The following MBD5 variants were observed in gnomAD, a reference collection of about 807,000 sequenced individuals.
MBD5 encodes methyl-CpG-binding domain protein 5.
Under a neutral mutation model 117.3 loss-of-function variants are expected in MBD5, and 13 were observed. That is an observed-to-expected ratio of 0.11 (90% CI 0.07 to 0.18). The LOEUF (loss-of-function observed/expected upper bound fraction) is 0.18, where lower values mean the gene tolerates loss of function less well. Ranked by LOEUF, MBD5 falls within the 10% of genes least tolerant of loss-of-function variation. The pLI, the probability that MBD5 is intolerant of heterozygous loss-of-function variation, is 1.00. For missense variants in MBD5, 1,879 were observed against 2,093.8 expected (o/e 0.90, Z 2.00); for synonymous variants, 727 against 766.4 (o/e 0.95, Z 0.85).
intron 12 of MBD5, chr2:148,502,969 G>A: frequency 5.7e-6 from 1 of 176,058 alleles, no homozygotes; most frequent in South Asian, 1.3e-4. Context: ...CATCAGGGAT[G>A]TGGACTTAAA....
intron 4 of MBD5, among the ~76,000 whole-genome samples, chr2:148,424,036 T>G (rs1425380320): frequency 2.0e-5 from 3 of 150,734 alleles, no homozygotes; most frequent in Non-Finnish European, 3.0e-5. Flanking sequence ...AAATTACCCA[T>G]GCATGGTGGC....
chr2:148,317,851 G>C (rs934242898), intron 3 of MBD5, among the ~76,000 whole-genome samples: 6 of 152,108 alleles, frequency 3.9e-5, no homozygotes, highest in African/African-American at 1.4e-4. Flanking sequence ...TCTTTATCCA[G>C]TCCTCTGATG....
At chr2:148,327,565 T>A (rs1329344163) in intron 3 of MBD5, among the ~76,000 whole-genome samples, 2 of 151,956 alleles carry the variant, frequency 1.3e-5, no homozygotes, top group Non-Finnish European at 2.9e-5. Context: ...TTCTCTAAAC[T>A]TCCCTTCTCG....
At chr2:148,134,774 A>T (rs1182991622) in intron 1 of MBD5, among the ~76,000 whole-genome samples, 1 of 152,186 alleles carries the variant, frequency 6.6e-6, no homozygotes, top group Non-Finnish European at 1.5e-5. Context: ...CTGTTATGTT[A>T]TGAATACCCA....
At chr2:148,464,802 T>TAAAAA (rs10693462) in intron 7 of MBD5, among the ~76,000 whole-genome samples, 2 of 146,184 alleles carry the variant, frequency 1.4e-5, no homozygotes, top group Non-Finnish European at 1.5e-5. Flanking sequence ...TAAAATAATT[T>TAAAAA]AAAAAAAAAA....
chr2:148,130,127 T>G (rs1697000279), intron 1 of MBD5, among the ~76,000 whole-genome samples: 1 of 152,132 alleles, frequency 6.6e-6, no homozygotes, highest in Non-Finnish European at 1.5e-5. Flanking sequence ...TTTAGGAAAA[T>G]AATAGCTTCA....
intron 4 of MBD5, among the ~76,000 whole-genome samples, chr2:148,358,333 C>A (rs1211739292): frequency 1.3e-5 from 2 of 151,858 alleles, no homozygotes; most frequent in Non-Finnish European, 2.9e-5. Context: ...TAACACAGCC[C>A]AAGATATAGG....
rs555560603 is a variant in MBD5 at position 148,209,705 on chromosome 2, C to T, written c.-830-23540C>T. 2.6e-5 allele frequency among the ~76,000 whole-genome samples: 4 copies of T among 152,134 alleles called. No homozygotes were observed. In the South Asian group the frequency reaches 6.2e-4, roughly 24 times the overall value. Reference sequence around the variant, plus strand: ...TGTATAAGCATGGCACCAACATCTGCTTGGCTTCTTATCAGGGCCTCAGGA... The same window carrying T: ...TGTATAAGCATGGCACCAACATCTGTTTGGCTTCTTATCAGGGCCTCAGGA... On this transcript the variant is annotated intron_variant, in intron 2 of 13. Transcript: ENST00000642680.
At chr2:148,408,442 T>C (rs1327733680) in intron 4 of MBD5, among the ~76,000 whole-genome samples, 2 of 152,198 alleles carry the variant, frequency 1.3e-5, no homozygotes, top group African/African-American at 2.4e-5. Context: ...TGCTGTCATG[T>C]TTTCATTCTG....
intron 1 of MBD5, among the ~76,000 whole-genome samples, chr2:148,159,096 A>C (rs1283134323): frequency 6.6e-6 from 1 of 152,192 alleles, no homozygotes; most frequent in Admixed American, 6.5e-5. Context: ...ACAGATGGAG[A>C]AACAAAAAGG....
chr2:148,267,064 A>G (rs908315293), intron 3 of MBD5, among the ~76,000 whole-genome samples: 1 of 152,172 alleles, frequency 6.6e-6, no homozygotes, highest in Non-Finnish European at 1.5e-5. Flanking sequence ...TGAATGCTAT[A>G]AAGAACAAAA....
intron 4 of MBD5, among the ~76,000 whole-genome samples, chr2:148,407,283 G>A (rs1314410014): frequency 1.3e-5 from 2 of 151,836 alleles, no homozygotes; most frequent in Non-Finnish European, 2.9e-5. Flanking sequence ...ATTTCCACTT[G>A]TATTTTGTAA....
At chr2:148,254,624 G>A (rs542941903) in intron 3 of MBD5, among the ~76,000 whole-genome samples, 1 of 152,248 alleles carries the variant, frequency 6.6e-6, no homozygotes, top group Non-Finnish European at 1.5e-5. Flanking sequence ...ACGTCTGCTG[G>A]TAGGTAAGGC....
intron 1 of MBD5, among the ~76,000 whole-genome samples, chr2:148,034,691 C>T (rs1307720119): frequency 6.6e-6 from 1 of 152,192 alleles, no homozygotes; most frequent in African/African-American, 2.4e-5. Context: ...TGCTTATAAA[C>T]ACCTACCCAA....
chr2:148,197,082 A>C (rs1699007863), intron 2 of MBD5, among the ~76,000 whole-genome samples: 1 of 152,084 alleles, frequency 6.6e-6, no homozygotes, highest in South Asian at 2.1e-4. Context: ...CCTCCTCCTG[A>C]AATTTGGCTT....
chr2:148,081,647 G>A (rs1456386840), intron 1 of MBD5, among the ~76,000 whole-genome samples: 2 of 152,160 alleles, frequency 1.3e-5, no homozygotes, highest in Non-Finnish European at 2.9e-5. Flanking sequence ...GGTAAGAGGA[G>A]CATATTGTAA....
intron 1 of MBD5, among the ~76,000 whole-genome samples, chr2:148,127,389 C>T (rs1475771081): frequency 1.3e-5 from 2 of 152,144 alleles, no homozygotes; most frequent in Non-Finnish European, 2.9e-5. Context: ...GCTCTCTCTC[C>T]CCGCAGCTCA....
At chr2:148,376,372 A>G (rs1703988240) in intron 4 of MBD5, among the ~76,000 whole-genome samples, 1 of 146,672 alleles carries the variant, frequency 6.8e-6, no homozygotes. Context: ...GGTTCACGTC[A>G]TTCTCCTGCC....
chr2:148,323,676 C>G (rs1449116283), intron 3 of MBD5, among the ~76,000 whole-genome samples: 1 of 152,040 alleles, frequency 6.6e-6, no homozygotes, highest in Non-Finnish European at 1.5e-5. Flanking sequence ...GTCCTTTGCC[C>G]ACTTTTTGAT....
Sources: allele counts gnomAD v4.1 joint callset (sites outside exome capture counted in the v4.1 genomes callset), GRCh38; gene constraint gnomAD v4.1.1; transcripts MANE v1.5; gene names NCBI Gene and HGNC (gene_info 2026-07-23, HGNC 2026-07-21).